Variants in ZNF850 observed in about 807,000 individuals in gnomAD.
ZNF850 encodes the protein putative zinc finger protein ENSP00000330994.
ZNF850 carries 2 observed loss-of-function variants against 11.9 expected under a neutral mutation model. The ratio of observed to expected loss-of-function variants is 0.17; its 90% CI spans 0.07 to 0.53. The LOEUF is 0.53. ZNF850 is among the 20% of genes least tolerant of loss of function. ZNF850 has a pLI of 0.94. For missense variants in ZNF850, 1,014 were observed against 1,316.4 expected, an observed-to-expected ratio of 0.77 and a Z score of 3.55; for synonymous variants, 381 against 443.0, an observed-to-expected ratio of 0.86 and a Z score of 1.76.
In ZNF850 at chr19:36,748,482, C is replaced by G. The variant is rs1337135771; in HGVS notation, c.2558G>C (p.Arg853Pro). Residue 853 changes from arginine to proline, a missense_variant, in exon 5 of 5, where the codon CGC becomes CCC. This residue lies in a region of ZNF850 where 835 missense variants were observed against 1,022.0 expected (regional missense o/e 0.82). Transcript: ENST00000591344. The stretch of plus-strand genomic sequence containing the variant: ...TCGCTGATGTTCAATTAGTGTTGAG[C>G]GAGAAGTAAAAGATTTCCCACATTC... ...CKECGKSFTS[R>P]STLIEHQRIH... The G allele has an allele frequency of 6.5e-7, 1 of 1,539,494 alleles. No individual in the cohort carries two copies. Among genetic ancestry groups the G allele is most frequent in the African/African-American group, 1.4e-5 (1 of 72,226 alleles).
intron 1 of ZNF850, among the ~76,000 whole-genome samples, chr19:36,771,055 A>ATGCCACAT (rs2040578759): frequency 6.6e-6 from 1 of 152,166 alleles, no homozygotes; most frequent in Non-Finnish European, 1.5e-5. Context: ...ATGGCGTGTG[A>ATGCCACAT]TGCCACATAG....
In ZNF850 at chr19:36,749,124, T is replaced by C. The variant is rs923118637; in HGVS notation, c.1916A>G (p.His639Arg). Residue 639 changes from histidine to arginine, a missense_variant, in exon 5 of 5, where the codon CAT becomes CGT. Physicochemically the swap from His to Arg is conservative, Grantham distance 29 (BLOSUM62 0). Transcript: ENST00000591344. The part of the protein sequence containing the change: ...RLRLTQHQQI[H>R]TGEKPYQCQE... ...ACATTGATAAGGTTTCTCACCAGTA[T>C]GGATTTGTTGATGTTGAGTAAGTCG... is the stretch of plus-strand genomic sequence containing the variant. 2 of 1,603,142 alleles carry C rather than the reference T, an allele frequency of 1.2e-6. No individual in the cohort carries two copies. Among genetic ancestry groups the C allele is most frequent in the Non-Finnish European group, 1.7e-6 (2 of 1,176,400 alleles).
chr19:36,749,226 A>G lies in ZNF850; in HGVS notation c.1814T>C (p.Leu605Pro), dbSNP rs1181253955. The G allele has an allele frequency of 6.9e-6, 11 of 1,592,068 alleles. No homozygotes were observed. The highest frequency in any genetic ancestry group is 9.4e-6 in the Non-Finnish European group (11 of 1,171,522). ...ACCAGTGTGAATTTGCTGATGTTGA[A>G]GTAGTGTTGAGCCAACAGTAAAAGA... ...GKSFTVGSTLLQHQQIHTGEK... is the reference protein window; with the variant it reads ...GKSFTVGSTLPQHQQIHTGEK... Residue 605 changes from leucine to proline, a missense_variant, in exon 5 of 5, where the codon CTT becomes CCT. By Grantham distance (98) the Leu-to-Pro change is moderately conservative. Transcript: ENST00000591344.
chr19:36,769,276 AAAAGAAAGAAAGAAAG>A (rs754621260), intron 1 of ZNF850, among the ~76,000 whole-genome samples: 5 of 113,182 alleles, frequency 4.4e-5, no homozygotes, highest in South Asian at 2.8e-4. Context: ...AAAAAAAAAA[AAAAGAAAGAAAGAAAG>A]AAAGAAAGAA....
intron 1 of ZNF850, among the ~76,000 whole-genome samples, chr19:36,769,981 C>T (rs760639309): frequency 6.6e-6 from 1 of 152,210 alleles, no homozygotes; most frequent in Non-Finnish European, 1.5e-5. Flanking sequence ...GGGATTCCTA[C>T]GACCCCCTCT....
chr19:36,762,721 G>T, intron 1 of ZNF850, 46 bp from the exon 2 acceptor site: 1 of 1,150,302 alleles, frequency 8.7e-7, no homozygotes, highest in South Asian at 1.4e-5. Context: ...CCAAATAAAT[G>T]AACTAGAGTA....
intron 4 of ZNF850, among the ~76,000 whole-genome samples, chr19:36,757,532 A>C (rs1325400687): frequency 3.1e-5 from 4 of 129,584 alleles, no homozygotes; most frequent in African/African-American, 5.9e-5. Flanking sequence ...TTTGAGACAG[A>C]GTCTTGCTCT....
intron 1 of ZNF850, among the ~76,000 whole-genome samples, chr19:36,764,326 G>T (rs1286287988): frequency 2.0e-5 from 3 of 152,170 alleles, no homozygotes; most frequent in Non-Finnish European, 4.4e-5. Flanking sequence ...AAAAGTTACA[G>T]GGGCATCTGC....
rs1287892987 is a variant in ZNF850 at position 36,750,554 on chromosome 19, C to G, written c.486G>C (p.Arg162=). The change falls in exon 5 of 5, where the codon CGG becomes CGC. Residue 162 remains arginine, a synonymous_variant. Transcript: ENST00000591344. ...CLQTSLTLHH[R]IHPGEKLYKS... The stretch of plus-strand genomic sequence containing the variant: ...TATACAGTTTCTCTCCAGGATGAAT[C>G]CGATGATGCAGAGTGAGAGATGTCT... The G allele has an allele frequency of 1.3e-6, 2 of 1,536,010 alleles. No homozygotes were observed.
At chr19:36,761,355 G>A (rs1439622215) in intron 4 of ZNF850, among the ~76,000 whole-genome samples, 2 of 151,892 alleles carry the variant, frequency 1.3e-5, no homozygotes, top group East Asian at 1.9e-4. Context: ...CAGGAGAGTC[G>A]CTTCAACCTG....
At chr19:36,752,228 C>T (rs1026955753) in intron 4 of ZNF850, among the ~76,000 whole-genome samples, 8 of 152,180 alleles carry the variant, frequency 5.3e-5, no homozygotes, top group African/African-American at 1.9e-4. Flanking sequence ...TGACAGATTA[C>T]TGTCTCTAAA....
chr19:36,771,555 C>A (rs530990220), intron 1 of ZNF850, among the ~76,000 whole-genome samples: 2 of 148,380 alleles, frequency 1.3e-5, no homozygotes, highest in Admixed American at 6.7e-5. Context: ...AAAGTTTGGG[C>A]CGGGACCAAT....
chr19:36,767,673 G>C (rs1403271516), intron 1 of ZNF850, among the ~76,000 whole-genome samples: 1 of 152,122 alleles, frequency 6.6e-6, no homozygotes, highest in African/African-American at 2.4e-5. Context: ...AGATTACAGT[G>C]AGCTGAGATC....
rs796859798 is a variant in ZNF850 at position 36,766,948 on chromosome 19, C to T, written c.-69-4273G>A. ...TGAAACCTGGTCTCTACTTAAAATA[C>T]GAAAAAGGCCAGGCGCAGTGGCTCA... On this transcript the variant is annotated intron_variant, in intron 1 of 4. Coordinates refer to ENST00000591344, the MANE Select transcript of ZNF850 (RefSeq NM_001193552.2). Among the ~76,000 whole-genome samples, 14 of 151,792 alleles carry T rather than the reference C, an allele frequency of 9.2e-5. No individual in the cohort carries two copies. The East Asian group carries it at 1.7e-3, about 19-fold the overall frequency.
intron 1 of ZNF850, among the ~76,000 whole-genome samples, chr19:36,764,031 G>A (rs1193038173): frequency 2.0e-5 from 3 of 151,938 alleles, no homozygotes; most frequent in Non-Finnish European, 4.4e-5. Context: ...CGGATCACGA[G>A]GTCAAGAGAT....
At position 36,755,973 on chromosome 19, in the gene ZNF850, T is replaced by C. The variant is rs548151854; in HGVS notation, c.236-5169A>G. ...CAGGCTGGAGTGCAGTGGTGTGTTC[T>C]TGACTCACTGCAACCTCCGCTTCCT... On this transcript the variant is annotated intron_variant, in intron 4 of 4. Transcript: ENST00000591344. 6.0e-5 allele frequency among the ~76,000 whole-genome samples: 9 copies of C among 150,714 alleles called. No individual in the cohort carries two copies. The East Asian group carries it at 1.8e-3, about 29-fold the overall frequency.
At chr19:36,755,978 T>C (rs1444815625) in intron 4 of ZNF850, among the ~76,000 whole-genome samples, 1 of 147,424 alleles carries the variant, frequency 6.8e-6, no homozygotes, top group Non-Finnish European at 1.5e-5. Flanking sequence ...TGTTCTTGAC[T>C]CACTGCAACC....
Position 36,750,379 on chromosome 19 carries a change from C to T in ZNF850, c.661G>A (p.Gly221Arg), listed in dbSNP as rs749247545. 2.0e-6 allele frequency: 3 copies of T among 1,536,524 alleles called. No individual in the cohort carries two copies. The South Asian group carries it at 3.6e-5, about 18-fold the overall frequency. The change falls in exon 5 of 5, where the codon GGG becomes AGG. Residue 221 changes from glycine (G) to arginine (R), a missense_variant. By Grantham distance (125) the Gly-to-Arg change is moderately radical (BLOSUM62 -2). Around this residue, in one of 2 missense-constraint regions of ZNF850, gnomAD observed 835 missense variants for 1,022.0 expected, o/e 0.82. Transcript: ENST00000591344. ...TCTTTACATGCACAGGGCTTTTCCC[C>T]AGTATGAATTCTCTGATGTTTAACA... ...YLVKHQRIHTGEKPCACKEYG... is the reference protein window; with the variant it reads ...YLVKHQRIHTREKPCACKEYG...
At chr19:36,762,785 A>G (rs1236632271) in intron 1 of ZNF850, 110 bp from the exon 2 acceptor site, 2 of 616,548 alleles carry the variant, frequency 3.2e-6, no homozygotes, top group African/African-American at 3.7e-5. Flanking sequence ...TATTACAGTA[A>G]ACATCTGATA....
Sources: gnomAD v4.1 joint callset for allele counts (sites outside exome capture counted in the v4.1 genomes callset) on GRCh38, gnomAD v4.1.1 for gene constraint, gnomAD v4.1.1 regional missense constraint, MANE v1.5 for transcripts, NCBI Gene and HGNC (gene_info 2026-07-23, HGNC 2026-07-21) for gene names.